Variants in NPAS3 observed in about 807,000 individuals in gnomAD.
The protein encoded by NPAS3 is neuronal PAS domain-containing protein 3.
Under a neutral mutation model 73.1 loss-of-function variants are expected in NPAS3, and 14 were observed. The ratio of observed to expected loss-of-function variants is 0.19; its 90% CI spans 0.13 to 0.30. NPAS3 has a LOEUF of 0.30. NPAS3 is among the 10% of genes least tolerant of loss of function. NPAS3 has a pLI of 1.00. For missense variants in NPAS3, 1,096 were observed against 1,250.0 expected (o/e 0.88, Z 1.86); for synonymous variants, 620 against 541.5 (o/e 1.14, Z -2.01).
chr14:33,083,704 A>G (rs767247252), intron 2 of NPAS3, among the ~76,000 whole-genome samples: 11 of 152,128 alleles, frequency 7.2e-5, no homozygotes, highest in Non-Finnish European at 1.3e-4. Context: ...AGCCTCTCAA[A>G]TATTTGAAGG....
In NPAS3 at chr14:33,528,832, A is replaced by G. The variant is rs977217027; in HGVS notation, c.469-31289A>G. 7.9e-5 allele frequency among the ~76,000 whole-genome samples: 12 copies of G among 152,276 alleles called. No homozygotes were observed. In the Middle Eastern group the frequency reaches 0.01, roughly 130 times the overall value. Reference sequence around the variant, plus strand: ...CAGCAACTGATAATTATTGAGTGTCACATGCCTTAAGGAATAGCGGTCACG... The same window carrying G: ...CAGCAACTGATAATTATTGAGTGTCGCATGCCTTAAGGAATAGCGGTCACG... On this transcript the variant is annotated intron_variant, in intron 4 of 11. Coordinates refer to ENST00000356141, the Ensembl canonical transcript of NPAS3.
chr14:33,228,986 G>A (rs183878931), intron 3 of NPAS3, among the ~76,000 whole-genome samples: 27 of 152,182 alleles, frequency 1.8e-4, no homozygotes, highest in Non-Finnish European at 2.8e-4. Flanking sequence ...TTAGATATCC[G>A]TTGGTGTTGG....
intron 6 of NPAS3, among the ~76,000 whole-genome samples, chr14:33,682,287 G>GGTCTGAC (rs1309494049): frequency 1.3e-5 from 2 of 152,114 alleles, no homozygotes; most frequent in African/African-American, 4.8e-5. Flanking sequence ...CCCCCAAATC[G>GGTCTGAC]GTCTGACTTC....
At chr14:33,315,912 G>A (rs2043191522) in intron 3 of NPAS3, among the ~76,000 whole-genome samples, 1 of 152,082 alleles carries the variant, frequency 6.6e-6, no homozygotes, top group African/African-American at 2.4e-5. Context: ...CACAAGAGCA[G>A]TTTTTGTGCC....
intron 2 of NPAS3, among the ~76,000 whole-genome samples, chr14:33,140,593 C>A (rs774966923): frequency 6.6e-6 from 1 of 152,064 alleles, no homozygotes; most frequent in African/African-American, 2.4e-5. Context: ...CATGCTTCAC[C>A]GTGTCATTTC....
intron 3 of NPAS3, among the ~76,000 whole-genome samples, chr14:33,291,989 G>C (rs1389031414): frequency 6.6e-6 from 1 of 152,166 alleles, no homozygotes; most frequent in African/African-American, 2.4e-5. Context: ...ACAGCATTTT[G>C]CCGGTCTAAT....
At chr14:33,706,108 T>C (rs1047580956) in intron 6 of NPAS3, among the ~76,000 whole-genome samples, 1 of 152,226 alleles carries the variant, frequency 6.6e-6, no homozygotes, top group African/African-American at 2.4e-5. Context: ...AGCACCATGG[T>C]TGGGAGAGCC....
chr14:33,021,486 A>G (rs2039594731), intron 1 of NPAS3, among the ~76,000 whole-genome samples: 1 of 152,106 alleles, frequency 6.6e-6, no homozygotes, highest in Non-Finnish European at 1.5e-5. Context: ...ATTATGGCCC[A>G]AGGGTCAAAA....
chr14:33,456,300 T>C (rs568269443), intron 4 of NPAS3, among the ~76,000 whole-genome samples: 30 of 152,328 alleles, frequency 2.0e-4, no homozygotes, highest in African/African-American at 6.7e-4. Context: ...AAGTTTGTTA[T>C]AAAAATAGTA....
intron 7 of NPAS3, among the ~76,000 whole-genome samples, chr14:33,758,819 C>T (rs1322789621): frequency 1.3e-5 from 2 of 152,134 alleles, no homozygotes; most frequent in Non-Finnish European, 2.9e-5. Context: ...GGGACACTAC[C>T]ATCTAATTTC....
chr14:33,038,930 T>G (rs1454219049), intron 1 of NPAS3, among the ~76,000 whole-genome samples: 1 of 152,206 alleles, frequency 6.6e-6, no homozygotes, highest in Non-Finnish European at 1.5e-5. Context: ...AAGTTTGGTA[T>G]GAAATGATTC....
At chr14:33,790,603 C>T (rs7157101) in intron 9 of NPAS3, among the ~76,000 whole-genome samples, 59,685 of 151,566 alleles carry the variant, frequency 0.39, 11,990 homozygotes, top group East Asian at 0.53. Context: ...CATAAATTTA[C>T]ATTCTGGAGG....
chr14:33,515,556 C>T (rs1464979717), intron 4 of NPAS3, among the ~76,000 whole-genome samples: 1 of 152,088 alleles, frequency 6.6e-6, no homozygotes, highest in Admixed American at 6.6e-5. Flanking sequence ...GCCGCTTTCA[C>T]TCTACAACAG....
At chr14:33,387,049 T>G (rs1001476058) in intron 4 of NPAS3, among the ~76,000 whole-genome samples, 1 of 152,160 alleles carries the variant, frequency 6.6e-6, no homozygotes, top group Admixed American at 6.5e-5. Context: ...TTGAGGCATT[T>G]ACATTGAAAT....
chr14:33,148,179 T>C (rs1407962839), intron 2 of NPAS3, among the ~76,000 whole-genome samples: 2 of 152,174 alleles, frequency 1.3e-5, no homozygotes, highest in African/African-American at 4.8e-5. Flanking sequence ...CCAATATTAA[T>C]TGCTTTTAGC....
chr14:33,657,006 AACAC>A (rs1352202577), intron 5 of NPAS3, among the ~76,000 whole-genome samples: 1 of 152,200 alleles, frequency 6.6e-6, no homozygotes, highest in Non-Finnish European at 1.5e-5. Flanking sequence ...TGGATAATGA[AACAC>A]ACACACAGAG....
chr14:33,495,748 T>C (rs1325358614), intron 4 of NPAS3, among the ~76,000 whole-genome samples: 2 of 152,048 alleles, frequency 1.3e-5, no homozygotes, highest in African/African-American at 2.4e-5. Context: ...TGTCTTTTTT[T>C]TAATCTTTGT....
intron 4 of NPAS3, among the ~76,000 whole-genome samples, chr14:33,548,036 A>C (rs2054927783): frequency 6.6e-6 from 1 of 152,248 alleles, no homozygotes; most frequent in South Asian, 2.1e-4. Context: ...CTCTTAAAAG[A>C]AATCAGGCGG....
intron 7 of NPAS3, among the ~76,000 whole-genome samples, chr14:33,766,779 A>G (rs189305720): frequency 3.9e-5 from 6 of 152,150 alleles, no homozygotes; most frequent in Admixed American, 2.0e-4. Flanking sequence ...GCATTCCAGG[A>G]CCACCTCTCC....
Sources: allele counts gnomAD v4.1 joint callset (sites outside exome capture counted in the v4.1 genomes callset), GRCh38; gene constraint gnomAD v4.1.1; transcripts MANE v1.5; gene names NCBI Gene and HGNC (gene_info 2026-07-23, HGNC 2026-07-21).